Variants in DHTKD1 observed in about 807,000 individuals in gnomAD.
The protein encoded by DHTKD1 is 2-oxoadipate dehydrogenase complex component E1.
DHTKD1 carries 78 observed loss-of-function variants against 101.8 expected under a neutral mutation model. The ratio of observed to expected loss-of-function variants is 0.77; its 90% confidence interval spans 0.64 to 0.93. DHTKD1 has a LOEUF of 0.93. Among genes scored for constraint, DHTKD1 ranks in the 40% least tolerant of loss-of-function variants. The probability of loss-of-function intolerance (pLI) is 0.00; values close to 1 mark genes in which losing one functional copy is unlikely to be tolerated. For synonymous variants in DHTKD1, 462 were observed against 450.3 expected (o/e 1.03, Z -0.33); for missense variants, 1,223 against 1,161.7 (o/e 1.05, Z -0.77).
In DHTKD1 at chr10:12,087,902, A is replaced by G. The variant is rs1313085471; in HGVS notation, c.717+173A>G. On this transcript the variant is annotated intron_variant, in intron 4 of 16. Coordinates refer to ENST00000263035, the MANE Select transcript of DHTKD1 (RefSeq NM_018706.7). The surrounding 1 kb of genome is among the most constrained non-coding windows in gnomAD (Gnocchi z 5.2). ...TGAGGCAGGAGGATGGCTTGAATCT[A>G]GGAGTTTGAGACCACCCTGTGGAAC... Among the ~76,000 whole-genome samples the G allele has an allele frequency of 6.6e-6, 1 of 152,070 alleles. No individual in the cohort carries two copies. The highest frequency in any genetic ancestry group is 1.5e-5 in the Non-Finnish European group (1 of 68,006).
Position 12,107,980 on chromosome 10 carries a change from G to A in DHTKD1, c.2119G>A (p.Asp707Asn). Residue 707 changes from aspartate (D) to asparagine (N), a missense_variant, in exon 12 of 17, where the codon GAC becomes AAC. Transcript: ENST00000263035. The surrounding 1 kb of genome is among the most constrained non-coding windows in gnomAD (Gnocchi z 4.1). ...LPHGYDGAGP[D>N]HSSCRIERFL... ...ACATGGCTACGATGGGGCTGGGCCAGACCACTCATCCTGTCGAATAGAGCG... is the reference window on the plus strand; with the variant it reads ...ACATGGCTACGATGGGGCTGGGCCAAACCACTCATCCTGTCGAATAGAGCG... 6.2e-7 allele frequency: 1 copy of A among 1,613,996 alleles called. No homozygotes were observed. The highest frequency in any genetic ancestry group is 8.5e-7 in the Non-Finnish European group (1 of 1,179,922).
intron 11 of DHTKD1, among the ~76,000 whole-genome samples, chr10:12,106,970 C>T (rs1833258737): frequency 6.6e-6 from 1 of 151,924 alleles, no homozygotes; most frequent in Admixed American, 6.6e-5. Flanking sequence ...GTGAGAGCTG[C>T]CCATTCTTTT....
chr10:12,095,257 G>T (rs1192651708), intron 7 of DHTKD1, among the ~76,000 whole-genome samples: 2 of 152,134 alleles, frequency 1.3e-5, no homozygotes, highest in Admixed American at 6.6e-5. Context: ...TGATTAATGT[G>T]CTGTAAGGAT....
chr10:12,094,271 G>C lies in DHTKD1; in HGVS notation c.1358G>C (p.Arg453Thr). 1 of 1,613,566 alleles carries C rather than the reference G, an allele frequency of 6.2e-7. No individual in the cohort carries two copies. Among genetic ancestry groups the C allele is most frequent in the Non-Finnish European group, 8.5e-7 (1 of 1,179,548 alleles). The change falls in exon 7 of 17, where the codon AGA (arginine) becomes ACA (threonine). Residue 453 changes from arginine (R) to threonine (T), a missense_variant and splice_region_variant. Transcript: ENST00000263035. ...YTNPIMYKII[R>T]ARKSIPDTYA... ...AACCCCATCATGTACAAAATCATCA[G>C]GTACAATTATAAACCCTTGTGTGAT...
intron 12 of DHTKD1, among the ~76,000 whole-genome samples, chr10:12,111,707 C>T (rs1242058924): frequency 6.6e-6 from 1 of 151,280 alleles, no homozygotes; most frequent in African/African-American, 2.4e-5. Context: ...TGTAGATGGT[C>T]TGAGGACATG....
intron 12 of DHTKD1, 56 bp from the exon 13 acceptor site, chr10:12,112,844 A>G: frequency 2.6e-6 from 4 of 1,514,496 alleles, no homozygotes; most frequent in Non-Finnish European, 3.6e-6. Context: ...CATTGTCACT[A>G]CGACTGAAAT....
intron 8 of DHTKD1, among the ~76,000 whole-genome samples, chr10:12,098,522 T>A (rs535053655): frequency 4.6e-5 from 7 of 152,324 alleles, no homozygotes; most frequent in African/African-American, 1.7e-4. Context: ...AATGTCTTTT[T>A]CTTTCTTAAG....
chr10:12,103,625 C>T lies in DHTKD1; in HGVS notation c.1896+2444C>T, dbSNP rs1450860955. 1.3e-5 allele frequency among the ~76,000 whole-genome samples: 2 copies of T among 151,966 alleles called. No individual in the cohort carries two copies. Among genetic ancestry groups the T allele is most frequent in the Non-Finnish European group, 2.9e-5 (2 of 68,006 alleles). The stretch of plus-strand genomic sequence containing the variant: ...CCAGCTCTTAGGCACAAGCAATTGT[C>T]CCGCCTCAGCCTCTCAAGTAGCTGG... On this transcript the variant is annotated intron_variant, in intron 10 of 16. Coordinates refer to ENST00000263035, the MANE Select transcript of DHTKD1 (RefSeq NM_018706.7). The surrounding 1 kb of genome is among the most constrained non-coding windows in gnomAD (Gnocchi z 4.8).
rs11819284 is a variant in DHTKD1 at position 12,074,260 on chromosome 10, A to G, written c.154+5073A>G. On this transcript the variant is annotated intron_variant, in intron 1 of 16. Transcript: ENST00000263035. ...CAGTGGCACAATTACAGCTTACCAT[A>G]GCCTCAAACTCCTGGGCTCAAGTGA... is the stretch of plus-strand genomic sequence containing the variant. Among the ~76,000 whole-genome samples, 569 of 152,178 alleles carry G rather than the reference A, an allele frequency of 3.7e-3. 4 individuals carry two copies. The highest frequency in any genetic ancestry group is 0.013 in the African/African-American group (542 of 41,546).
chr10:12,096,953 A>C (rs1489113304), intron 7 of DHTKD1, among the ~76,000 whole-genome samples: 1 of 152,136 alleles, frequency 6.6e-6, no homozygotes, highest in Non-Finnish European at 1.5e-5. Flanking sequence ...ATCATAGAAA[A>C]ACTCTGTTAA....
At position 12,081,542 on chromosome 10, in the gene DHTKD1, C is replaced by T. The variant is rs1438402606; in HGVS notation, c.225C>T (p.Pro75=). 2 of 1,614,140 alleles carry T rather than the reference C, an allele frequency of 1.2e-6. No individual in the cohort carries two copies. Among genetic ancestry groups the T allele is most frequent in the Non-Finnish European group, 1.7e-6 (2 of 1,180,024 alleles). The change falls in exon 2 of 17, where the codon CCC becomes CCT. Residue 75 remains proline, a synonymous_variant. Transcript: ENST00000263035. The part of the protein sequence containing the change: ...EHGHKAAKIN[P]LFTGQALLEN... ...GTCATAAAGCTGCCAAAATCAACCC[C>T]CTCTTCACCGGACAAGCCCTGCTGG...
chr10:12,076,995 A>AAAAAAG (rs1554790544), intron 1 of DHTKD1, among the ~76,000 whole-genome samples: 26,529 of 126,976 alleles, frequency 0.21, 4,336 homozygotes, highest in Non-Finnish European at 0.32. Flanking sequence ...AAAAAAAAAA[A>AAAAAAG]GGAAGAAAAA....
At position 12,101,174 on chromosome 10, in the gene DHTKD1, T is replaced by G. The variant is rs1259560868; in HGVS notation, c.1889T>G (p.Phe630Cys). ...LNHMDPNQKG[F>C]LEVSNSPLSE... is the part of the protein sequence containing the mutation. The stretch of plus-strand genomic sequence containing the variant: ...CATATGGACCCAAATCAGAAGGGGT[T>G]TCTAGAGGTGAGATGTTTCTATAGC... Residue 630 changes from phenylalanine to cysteine, a missense_variant, in exon 10 of 17, where the codon TTT becomes TGT. Coordinates refer to ENST00000263035, the MANE Select transcript of DHTKD1 (RefSeq NM_018706.7). 6.2e-7 allele frequency: 1 copy of G among 1,612,654 alleles called. No individual in the cohort carries two copies. The highest frequency in any genetic ancestry group is 2.2e-5 in the East Asian group (1 of 44,882).
intron 8 of DHTKD1, 58 bp from the exon 9 acceptor site, chr10:12,100,120 G>C (rs1185062611): frequency 2.9e-6 from 3 of 1,044,372 alleles, no homozygotes; most frequent in Admixed American, 2.4e-5. Flanking sequence ...TGTACTCATT[G>C]TGAAAAAGGA....
intron 8 of DHTKD1, 39 bp downstream of exon 8, chr10:12,098,035 C>T (rs756121819): frequency 6.5e-7 from 1 of 1,543,300 alleles, no homozygotes; most frequent in Non-Finnish European, 8.8e-7. Context: ...GCTTCTCCTT[C>T]CTGCTCAGCA....
At chr10:12,078,291 G>A (rs1167985396) in intron 1 of DHTKD1, among the ~76,000 whole-genome samples, 1 of 151,984 alleles carries the variant, frequency 6.6e-6, no homozygotes, top group African/African-American at 2.4e-5. Flanking sequence ...CAGGTGTGGT[G>A]GCACGTGCCT....
intron 1 of DHTKD1, among the ~76,000 whole-genome samples, chr10:12,081,148 A>C (rs1279457036): frequency 6.6e-6 from 1 of 151,724 alleles, no homozygotes; most frequent in Admixed American, 6.6e-5. Flanking sequence ...AAAATACAAA[A>C]AAATTAGCCA....
chr10:12,101,545 T>C (rs1833171887), intron 10 of DHTKD1, among the ~76,000 whole-genome samples: 1 of 152,218 alleles, frequency 6.6e-6, no homozygotes, highest in Admixed American at 6.5e-5. Context: ...TCGCACATCC[T>C]CAAGGTTACC....
chr10:12,094,865 T>C (rs1461919125), intron 7 of DHTKD1, among the ~76,000 whole-genome samples: 4 of 150,534 alleles, frequency 2.7e-5, no homozygotes, highest in African/African-American at 9.8e-5. Context: ...GGTCTCAAAC[T>C]CCCGGTCTCA....
Sources: gnomAD v4.1 joint callset for allele counts (sites outside exome capture counted in the v4.1 genomes callset) on GRCh38, gnomAD v4.1.1 for gene constraint, Gnocchi (gnomAD v3.1) non-coding constraint, MANE v1.5 for transcripts, NCBI Gene and HGNC (gene_info 2026-07-23, HGNC 2026-07-21) for gene names.